The following RANBP2 variants were observed in gnomAD, a reference collection of about 807,000 sequenced individuals.
The protein encoded by RANBP2 is E3 SUMO-protein ligase RanBP2.
A neutral mutation model predicts 303.6 loss-of-function variants in RANBP2; 57 were observed. The observed-to-expected ratio is 0.19, with a 90% CI of 0.15 to 0.23. The LOEUF (loss-of-function observed/expected upper bound fraction) is 0.23, where lower values mean the gene tolerates loss of function less well. Ranked by LOEUF, RANBP2 falls within the 10% of genes least tolerant of loss-of-function variation. The pLI is 1.00. For missense variants in RANBP2, 3,138 were observed against 3,780.8 expected (o/e 0.83, Z 4.46); for synonymous variants, 1,167 against 1,301.5 (o/e 0.90, Z 2.23).
In RANBP2 at chr2:108,765,226, T is replaced by C. The variant is rs758890604; in HGVS notation, c.4687T>C (p.Cys1563Arg). ...GCGAAATGAAGCAAATGCTACAAGA[T>C]GTGTTGCTTGTCAGAATCCGGATAA... ...LVRNEANATR[C>R]VACQNPDKPS... Residue 1563 changes from cysteine (C) to arginine (R), a missense_variant, in exon 20 of 29, where the codon TGT becomes CGT. By Grantham distance (180) the Cys-to-Arg change is radical (BLOSUM62 -3). Around this residue, in one of 20 missense-constraint regions of RANBP2, gnomAD observed 388 missense variants for 328.5 expected, o/e 1.18. Coordinates refer to ENST00000283195, the MANE Select transcript of RANBP2 (RefSeq NM_006267.5). The C allele has an allele frequency of 6.2e-7, 1 of 1,614,070 alleles. No individual in the cohort carries two copies.
chr2:108,901,662 C>A, the RANBP2 span, among the ~76,000 whole-genome samples: 2 of 152,134 alleles, frequency 1.3e-5, no homozygotes, highest in African/African-American at 4.8e-5. Flanking sequence ...TAAGATAAAA[C>A]TTGCAACTTT....
At chr2:108,958,409 G>GA in the RANBP2 span, among the ~76,000 whole-genome samples, 2,695 of 145,670 alleles carry the variant, frequency 0.019, 80 homozygotes, top group African/African-American at 0.062. Flanking sequence ...CCTTCAGCAG[G>GA]AAAAAAAAAA....
chr2:109,038,584 A>G, the RANBP2 span, among the ~76,000 whole-genome samples: 33 of 152,296 alleles, frequency 2.2e-4, 1 homozygote, highest in East Asian at 4.8e-3. Context: ...TATGAAGAAG[A>G]CCTAAAGGCA....
chr2:109,134,751 G>A, the RANBP2 span, among the ~76,000 whole-genome samples: 1 of 152,168 alleles, frequency 6.6e-6, no homozygotes, highest in Non-Finnish European at 1.5e-5. Flanking sequence ...TTGGTAGCAC[G>A]ATTCTAAACA....
chr2:108,887,822 A>G, the RANBP2 span, among the ~76,000 whole-genome samples: 2 of 152,152 alleles, frequency 1.3e-5, no homozygotes, highest in African/African-American at 4.8e-5. Context: ...AGGAGGGCCA[A>G]TTTAATTTCC....
the RANBP2 span, among the ~76,000 whole-genome samples, chr2:109,059,212 G>A: frequency 1.3e-5 from 2 of 152,118 alleles, no homozygotes; most frequent in African/African-American, 4.8e-5. Context: ...GGAACCAGGA[G>A]TCCACAACAT....
At chr2:108,808,319 A>C in the RANBP2 span, among the ~76,000 whole-genome samples, 1 of 152,182 alleles carries the variant, frequency 6.6e-6, no homozygotes, top group Admixed American at 6.5e-5. Context: ...TGCAGTAAAC[A>C]TGGGAGTGCA....
At chr2:109,567,734 TG>T in the RANBP2 span, 3 of 1,291,868 alleles carry the variant, frequency 2.3e-6, no homozygotes, top group Non-Finnish European at 3.1e-6. Flanking sequence ...CAAGTGAAAG[TG>T]TATTAGCAGC....
At chr2:108,904,915 G>A in the RANBP2 span, among the ~76,000 whole-genome samples, 1 of 152,184 alleles carries the variant, frequency 6.6e-6, no homozygotes, top group African/African-American at 2.4e-5. Context: ...TGTCCTGGTT[G>A]TGACTTCTGT....
the RANBP2 span, among the ~76,000 whole-genome samples, chr2:109,408,995 G>A: frequency 6.6e-6 from 1 of 152,190 alleles, no homozygotes; most frequent in African/African-American, 2.4e-5. Flanking sequence ...CTTCTTAGCT[G>A]AGGCTTGGGA....
the RANBP2 span, among the ~76,000 whole-genome samples, chr2:109,392,939 G>A: frequency 2.6e-5 from 4 of 152,284 alleles, no homozygotes; most frequent in East Asian, 3.9e-4. Flanking sequence ...TGAGGAGGGC[G>A]AAGGAACCAG....
chr2:109,254,276 G>A, the RANBP2 span, among the ~76,000 whole-genome samples: 119 of 152,246 alleles, frequency 7.8e-4, no homozygotes, highest in African/African-American at 2.7e-3. Flanking sequence ...TTTTTAGCAC[G>A]CAGCAGCATA....
At chr2:109,036,737 G>A in the RANBP2 span, among the ~76,000 whole-genome samples, 1 of 152,176 alleles carries the variant, frequency 6.6e-6, no homozygotes, top group Non-Finnish European at 1.5e-5. Context: ...GCTGGGCACA[G>A]TAGCTCATGC....
At chr2:109,354,401 G>A in the RANBP2 span, among the ~76,000 whole-genome samples, 9 of 152,218 alleles carry the variant, frequency 5.9e-5, no homozygotes, top group Non-Finnish European at 8.8e-5. Context: ...GAAAAGTGGC[G>A]CAGCGTTCAT....
chr2:109,008,631 G>T, the RANBP2 span, among the ~76,000 whole-genome samples: 1 of 151,648 alleles, frequency 6.6e-6, no homozygotes, highest in Non-Finnish European at 1.5e-5. Context: ...GGCTGGGTGC[G>T]GTGGCTCACA....
At chr2:109,580,999 G>A in the RANBP2 span, among the ~76,000 whole-genome samples, 7 of 152,152 alleles carry the variant, frequency 4.6e-5, no homozygotes, top group African/African-American at 1.7e-4. Context: ...ATCTGGAGAG[G>A]GCCCCCAAGT....
the RANBP2 span, among the ~76,000 whole-genome samples, chr2:109,168,603 T>G: frequency 6.6e-6 from 1 of 152,240 alleles, no homozygotes; most frequent in African/African-American, 2.4e-5. Flanking sequence ...CTGACTGATC[T>G]GGCCGTAGGT....
At chr2:109,130,712 A>G in the RANBP2 span, among the ~76,000 whole-genome samples, 1 of 152,178 alleles carries the variant, frequency 6.6e-6, no homozygotes, top group African/African-American at 2.4e-5. Context: ...CCAGAAGCCA[A>G]GGTCTTCTCC....
At chr2:109,372,904 A>T in the RANBP2 span, among the ~76,000 whole-genome samples, 773 of 152,320 alleles carry the variant, frequency 5.1e-3, 3 homozygotes, top group African/African-American at 0.018. Context: ...TGTTTGTTTA[A>T]AACATCTGTC....
Sources: allele counts gnomAD v4.1 joint callset (sites outside exome capture counted in the v4.1 genomes callset), GRCh38; gene constraint gnomAD v4.1.1; regional missense constraint gnomAD v4.1.1; transcripts MANE v1.5; gene names NCBI Gene and HGNC (gene_info 2026-07-23, HGNC 2026-07-21).